Variants in LPAR5 observed in about 807,000 individuals in gnomAD.
LPAR5 encodes lysophosphatidic acid receptor 5.
For missense variants in LPAR5, 544 were observed against 521.8 expected (o/e 1.04, Z -0.41); for synonymous variants, 271 against 261.6 (o/e 1.04, Z -0.35).
At chr12:6,626,843 C>A (rs1948944187) in intron 1 of LPAR5, among the ~76,000 whole-genome samples, 1 of 152,212 alleles carries the variant, frequency 6.6e-6, no homozygotes, top group African/African-American at 2.4e-5. Context: ...TGTGCCTCCG[C>A]AACAGTGCGC....
Position 6,619,708 on chromosome 12 carries a change from A to T in LPAR5, c.*422T>A. ...AGCCTAGACAGAAGTCAGCAGATGA[A>T]CAGGCATCTCAGTAGCTTTGTCCAC... On this transcript the variant is annotated 3_prime_UTR_variant, in exon 2 of 2. Transcript: ENST00000329858. 1 of 357,080 alleles carries T rather than the reference A, an allele frequency of 2.8e-6. No individual in the cohort carries two copies. 22.1% of individuals were successfully genotyped at this position (357,080 alleles called of 1,614,324 possible).
chr12:6,634,403 G>GC (rs1948998743), intron 1 of LPAR5, among the ~76,000 whole-genome samples: 1 of 151,722 alleles, frequency 6.6e-6, no homozygotes, highest in Admixed American at 6.6e-5. Context: ...TCACTTTAGC[G>GC]CGAGTTCAAG....
chr12:6,631,838 CAAT>C (rs1471364834), intron 1 of LPAR5, among the ~76,000 whole-genome samples: 1 of 152,196 alleles, frequency 6.6e-6, no homozygotes, highest in East Asian at 1.9e-4. Context: ...GGGCTGGGAA[CAAT>C]GAGAAGGGCA....
At chr12:6,629,626 A>ATT (rs1565388463) in intron 1 of LPAR5, among the ~76,000 whole-genome samples, 1 of 150,762 alleles carries the variant, frequency 6.6e-6, no homozygotes, top group Non-Finnish European at 1.5e-5. Flanking sequence ...GTGAGCCGAG[A>ATT]TTGCGCCACT....
rs1021831974 is a variant in LPAR5 at position 6,620,593 on chromosome 12, G to C, written c.656C>G (p.Ala219Gly). ...YSSGRVFWTL[A>G]RPDATQSQRR... ...CTGGCTCTGCGTGGCGTCGGGGCGC[G>C]CCAGCGTCCAGAAGACTCGGCCCGA... The change falls in exon 2 of 2, where the codon GCG becomes GGG. Residue 219 changes from alanine (A) to glycine (G), a missense_variant. Ala to Gly is a moderately conservative substitution (Grantham distance 60). Transcript: ENST00000329858. The surrounding 1 kb of genome is among the most constrained non-coding windows in gnomAD (Gnocchi z 6.8). 1 of 1,550,784 alleles carries C rather than the reference G, an allele frequency of 6.4e-7. No homozygotes were observed. Among genetic ancestry groups the C allele is most frequent in the Non-Finnish European group, 8.7e-7 (1 of 1,147,642 alleles).
At chr12:6,624,684 G>A (rs1256579744) in intron 1 of LPAR5, among the ~76,000 whole-genome samples, 4 of 152,072 alleles carry the variant, frequency 2.6e-5, no homozygotes, top group East Asian at 3.9e-4. Flanking sequence ...GCAATGGCAC[G>A]ATCTCGGCTC....
intron 1 of LPAR5, among the ~76,000 whole-genome samples, chr12:6,629,738 A>G (rs985778817): frequency 9.9e-5 from 15 of 151,314 alleles, no homozygotes; most frequent in African/African-American, 3.4e-4. Flanking sequence ...CTTAAAGGTA[A>G]AGTTAGGCGA....
At chr12:6,633,439 C>T (rs1431375432) in intron 1 of LPAR5, among the ~76,000 whole-genome samples, 1 of 151,506 alleles carries the variant, frequency 6.6e-6, no homozygotes, top group South Asian at 2.1e-4. Context: ...GATGGAGTCT[C>T]GCTTGCTGTG....
intron 1 of LPAR5, among the ~76,000 whole-genome samples, chr12:6,628,352 A>C (rs954062384): frequency 3.3e-5 from 5 of 152,148 alleles, no homozygotes; most frequent in African/African-American, 9.6e-5. Flanking sequence ...TACTTGGAGA[A>C]CCAGTAGATC....
At chr12:6,628,598 T>A (rs1268891179) in intron 1 of LPAR5, among the ~76,000 whole-genome samples, 1 of 151,910 alleles carries the variant, frequency 6.6e-6, no homozygotes, top group African/African-American at 2.4e-5. Flanking sequence ...ATAGCTGAGA[T>A]TACAGGCGCT....
intron 1 of LPAR5, among the ~76,000 whole-genome samples, chr12:6,625,620 G>A (rs1948933175): frequency 6.6e-6 from 1 of 151,534 alleles, no homozygotes; most frequent in Admixed American, 6.6e-5. Flanking sequence ...TTACTCAGGA[G>A]GCTGAGACAG....
intron 1 of LPAR5, among the ~76,000 whole-genome samples, chr12:6,625,487 C>T (rs1037453781): frequency 1.3e-5 from 2 of 148,524 alleles, no homozygotes; most frequent in South Asian, 2.1e-4. Flanking sequence ...TTTAGGAGGC[C>T]AAGGCGGGCG....
rs1293960145 is a variant in LPAR5 at position 6,620,881 on chromosome 12, A to G, written c.368T>C (p.Ile123Thr). 10 of 1,575,006 alleles carry G rather than the reference A, an allele frequency of 6.3e-6. No homozygotes were observed. The East Asian group carries it at 2.3e-4, about 37-fold the overall frequency. ...MLINVDRYAA[I>T]VHPLRLRHLR... ...GTGGCGCAGTCGCAGCGGGTGCACG[A>G]TGGCGGCGTAGCGGTCCACGTTGAT... The change falls in exon 2 of 2, where the codon ATC becomes ACC. Residue 123 changes from isoleucine (I) to threonine (T), a missense_variant. By Grantham distance (89) the Ile-to-Thr change is moderately conservative (BLOSUM62 -1). Coordinates refer to ENST00000329858, the MANE Select transcript of LPAR5 (RefSeq NM_020400.6). The surrounding 1 kb of genome is among the most constrained non-coding windows in gnomAD (Gnocchi z 6.8).
chr12:6,625,944 G>C (rs1312271831), intron 1 of LPAR5, among the ~76,000 whole-genome samples: 1 of 152,088 alleles, frequency 6.6e-6, no homozygotes, highest in Non-Finnish European at 1.5e-5. Flanking sequence ...GGACCTACAG[G>C]CGTGTGCCAC....
intron 1 of LPAR5, among the ~76,000 whole-genome samples, chr12:6,628,003 G>A (rs1479161030): frequency 1.4e-5 from 2 of 147,260 alleles, no homozygotes; most frequent in Non-Finnish European, 3.0e-5. Flanking sequence ...AGTATCACTT[G>A]ATCATTCTTT....
rs906771750 is a variant in LPAR5, at chr12:6,623,254, G to A, written c.-216-1790C>T. Among the ~76,000 whole-genome samples the A allele has an allele frequency of 1.1e-4, 17 of 148,674 alleles. No homozygotes were observed. The East Asian group carries it at 1.2e-3, about 10-fold the overall frequency. On this transcript the variant is annotated intron_variant, in intron 1 of 1. Transcript: ENST00000329858. Reference sequence around the variant, plus strand: ...CTCCATCTCAAAAAAAAAAAAAGGCGGCTGCATGGTACCTCATGCCTGTGA... The same window carrying A: ...CTCCATCTCAAAAAAAAAAAAAGGCAGCTGCATGGTACCTCATGCCTGTGA...
At chr12:6,632,629 T>A (rs771910057) in intron 1 of LPAR5, among the ~76,000 whole-genome samples, 2 of 152,182 alleles carry the variant, frequency 1.3e-5, no homozygotes, top group Non-Finnish European at 2.9e-5. Context: ...GTGCTGAGCC[T>A]CCAGCAGAAG....
intron 1 of LPAR5, among the ~76,000 whole-genome samples, chr12:6,625,581 A>C (rs867468469): frequency 2.5e-5 from 3 of 121,478 alleles, no homozygotes; most frequent in South Asian, 2.6e-4. Flanking sequence ...AATTTAGCTG[A>C]GCGTGGTGGT....
chr12:6,620,133 G>A lies in LPAR5; in HGVS notation c.1116C>T (p.Leu372=). 2 of 1,613,900 alleles carry A rather than the reference G, an allele frequency of 1.2e-6. No homozygotes were observed. The highest frequency in any genetic ancestry group is 1.1e-5 in the South Asian group (1 of 91,068). ...GACAGCGCAATGGCATGTGTGTTCA[G>A]AGGGCGGAATCCTGGGGACACTGTG... ...SFTQCPQDSA[L] is the part of the protein sequence containing the mutation. Residue 372 remains leucine, a synonymous_variant, in exon 2 of 2, where the codon CTC becomes CTT. Coordinates refer to ENST00000329858, the MANE Select transcript of LPAR5 (RefSeq NM_020400.6). The surrounding 1 kb of genome is among the most constrained non-coding windows in gnomAD (Gnocchi z 6.8).
Sources: allele counts gnomAD v4.1 joint callset (sites outside exome capture counted in the v4.1 genomes callset), GRCh38; gene constraint gnomAD v4.1.1; non-coding constraint Gnocchi (gnomAD v3.1); transcripts MANE v1.5; gene names NCBI Gene and HGNC (gene_info 2026-07-23, HGNC 2026-07-21).